Variants in AFF2 observed in about 807,000 individuals in gnomAD.
AFF2 encodes ALF transcription elongation factor 2.
Under a neutral mutation model 76.9 loss-of-function variants are expected in AFF2, and 14 were observed. The ratio of observed to expected loss-of-function variants is 0.18; its 90% CI spans 0.12 to 0.28. The LOEUF (loss-of-function observed/expected upper bound fraction) is 0.28. Among genes scored for constraint, AFF2 ranks in the 10% least tolerant of loss-of-function variants. The pLI, the probability that AFF2 is intolerant of heterozygous loss-of-function variation, is 1.00. For missense variants in AFF2, 868 were observed against 1,001.1 expected (o/e 0.87, Z 1.79); for synonymous variants, 398 against 366.7 (o/e 1.09, Z -0.98).
chrX:148,921,377 C>G (rs1306691431), intron 9 of AFF2, among the ~76,000 whole-genome samples: 3 of 112,255 alleles, frequency 2.7e-5, no homozygotes, highest in African/African-American at 9.7e-5. Context: ...TCTCACCCCC[C>G]AAGGGAGCCC....
In AFF2 at chrX:148,955,898, G is replaced by C; in HGVS notation, c.1853G>C (p.Ser618Thr). 4.1e-6 allele frequency: 5 copies of C among 1,211,576 alleles called. No individual in the cohort carries two copies. Among genetic ancestry groups the C allele is most frequent in the Non-Finnish European group, 5.6e-6 (5 of 895,362 alleles). Reference protein sequence around the residue: ...KALKHKLSTTSETVSQRTIGK... With the variant: ...KALKHKLSTTTETVSQRTIGK... The stretch of plus-strand genomic sequence containing the variant: ...TTGAAGCATAAGTTGTCAACAACTA[G>C]TGAGACAGTGTCTCAAAGGACAATT... Residue 618 changes from serine to threonine, a missense_variant, in exon 11 of 21, where the codon AGT becomes ACT. Around this residue, in one of 6 missense-constraint regions of AFF2, gnomAD observed 532 missense variants for 564.2 expected, o/e 0.94. Transcript: ENST00000370460.
At chrX:148,971,747 C>CTTTTTTTTTTTTTTCTTT (rs2072257015) in intron 15 of AFF2, among the ~76,000 whole-genome samples, 1 of 44,731 alleles carries the variant, frequency 2.2e-5, no homozygotes, top group Non-Finnish European at 3.8e-5. Context: ...TTTTCTATTT[C>CTTTTTTTTTTTTTTCTTT]TTTTTTTTTT....
intron 19 of AFF2, among the ~76,000 whole-genome samples, chrX:148,982,883 G>A (rs782549213): frequency 1.8e-5 from 2 of 112,173 alleles, no homozygotes; most frequent in Non-Finnish European, 3.8e-5. Context: ...AGGCTACTAT[G>A]TAGAAAAATA....
At chrX:148,723,042 C>T (rs1389228742) in intron 3 of AFF2, among the ~76,000 whole-genome samples, 1 of 111,342 alleles carries the variant, frequency 9.0e-6, no homozygotes, top group Non-Finnish European at 1.9e-5. Context: ...TGTCATATAG[C>T]ACAGTGTACC....
chrX:148,774,202 A>G (rs1557268364), intron 3 of AFF2, among the ~76,000 whole-genome samples: 1 of 111,949 alleles, frequency 8.9e-6, no homozygotes, highest in African/African-American at 3.2e-5. Context: ...ATGTCAGCAA[A>G]AACAATTCAA....
At chrX:148,599,238 C>T (rs902528245) in intron 1 of AFF2, among the ~76,000 whole-genome samples, 1 of 112,357 alleles carries the variant, frequency 8.9e-6, no homozygotes, top group African/African-American at 3.2e-5. Context: ...TAAAAGCATC[C>T]TTCAATTTCT....
intron 3 of AFF2, among the ~76,000 whole-genome samples, chrX:148,701,012 A>AGAC: frequency 1.4e-5 from 1 of 73,736 alleles, no homozygotes; most frequent in Non-Finnish European, 2.5e-5. Context: ...GAGAGAGAGA[A>AGAC]TGTGTGTGTG....
intron 7 of AFF2, among the ~76,000 whole-genome samples, chrX:148,873,324 G>C (rs1421901580): frequency 9.1e-6 from 1 of 110,393 alleles, no homozygotes; most frequent in Non-Finnish European, 1.9e-5. Flanking sequence ...GTGAAGGACT[G>C]GGCCTTGCAT....
chrX:148,608,581 T>C (rs978065015), intron 1 of AFF2, among the ~76,000 whole-genome samples: 2 of 109,311 alleles, frequency 1.8e-5, no homozygotes, highest in Admixed American at 2.0e-4. Flanking sequence ...AGTGGCGTGA[T>C]TGTAGGTCAC....
intron 13 of AFF2, among the ~76,000 whole-genome samples, chrX:148,964,862 T>TA (rs2072153589): frequency 8.9e-6 from 1 of 112,371 alleles, no homozygotes; most frequent in Non-Finnish European, 1.9e-5. Flanking sequence ...CACCAGGTGG[T>TA]AAAAAAAGAA....
intron 1 of AFF2, among the ~76,000 whole-genome samples, chrX:148,572,590 T>C (rs1557242689): frequency 8.9e-6 from 1 of 111,851 alleles, no homozygotes; most frequent in Non-Finnish European, 1.9e-5. Context: ...AGGAAGGAAG[T>C]ACTGATGTGT....
Position 148,926,243 on chromosome X carries a change from A to G in AFF2, c.1397+21985A>G, listed in dbSNP as rs781787001. ...TAAGTCCAGAGGTGGGGAAGCATCA[A>G]GGCTGTACTGGAAGTTCCATTTTAG... is the stretch of plus-strand genomic sequence containing the variant. On this transcript the variant is annotated intron_variant, in intron 9 of 20. Coordinates refer to ENST00000370460, the MANE Select transcript of AFF2 (RefSeq NM_002025.4). Among the ~76,000 whole-genome samples, 14 of 112,340 alleles carry G rather than the reference A, an allele frequency of 1.2e-4. No individual in the cohort carries two copies. In the South Asian group the frequency reaches 5.2e-3, roughly 42 times the overall value.
chrX:148,695,605 A>C (rs1278889484), intron 3 of AFF2, among the ~76,000 whole-genome samples: 2 of 112,481 alleles, frequency 1.8e-5, no homozygotes, highest in Admixed American at 9.4e-5. Context: ...GTAGCTAATA[A>C]ACATAAAAAA....
chrX:148,529,962 A>G (rs1404787270), intron 1 of AFF2, among the ~76,000 whole-genome samples: 1 of 111,774 alleles, frequency 8.9e-6, no homozygotes, highest in African/African-American at 3.3e-5. Context: ...ATCTTAGCTT[A>G]ACCATGTAAT....
intron 1 of AFF2, among the ~76,000 whole-genome samples, chrX:148,588,487 T>C (rs937786992): frequency 2.7e-5 from 3 of 112,495 alleles, no homozygotes; most frequent in Admixed American, 9.4e-5. Context: ...ATGAAGATCA[T>C]ATTGAGTTTG....
At chrX:148,706,617 G>T (rs1403388958) in intron 3 of AFF2, among the ~76,000 whole-genome samples, 1 of 112,323 alleles carries the variant, frequency 8.9e-6, no homozygotes, top group African/African-American at 3.2e-5. Context: ...GTGTGTTGAT[G>T]TGATAGCCCG....
chrX:148,537,664 C>T (rs1360215488), intron 1 of AFF2, among the ~76,000 whole-genome samples: 1 of 110,048 alleles, frequency 9.1e-6, no homozygotes, highest in Admixed American at 9.7e-5. Context: ...GACCTTTTAC[C>T]GAGATCCATT....
intron 1 of AFF2, among the ~76,000 whole-genome samples, chrX:148,532,217 CTAAT>C (rs1264909161): frequency 8.9e-6 from 1 of 112,079 alleles, no homozygotes; most frequent in Non-Finnish European, 1.9e-5. Flanking sequence ...TATGAAAATG[CTAAT>C]TATTGAGTCT....
At chrX:148,968,818 C>T (rs2072213103) in intron 15 of AFF2, among the ~76,000 whole-genome samples, 1 of 112,325 alleles carries the variant, frequency 8.9e-6, no homozygotes, top group African/African-American at 3.2e-5. Flanking sequence ...AGGCTGGGTG[C>T]TAGCTCCATT....
Sources: allele counts gnomAD v4.1 joint callset (sites outside exome capture counted in the v4.1 genomes callset), GRCh38; gene constraint gnomAD v4.1.1; regional missense constraint gnomAD v4.1.1; transcripts MANE v1.5; gene names NCBI Gene and HGNC (gene_info 2026-07-23, HGNC 2026-07-21).